The following CPED1 variants were observed in gnomAD, a reference collection of about 807,000 sequenced individuals.
The protein encoded by CPED1 is cadherin like and PC-esterase domain containing 1.
CPED1 carries 114 observed loss-of-function variants against 128.2 expected under a neutral mutation model. The observed-to-expected ratio is 0.89, with a 90% CI of 0.76 to 1.04. The LOEUF (loss-of-function observed/expected upper bound fraction) is 1.04. CPED1 is among the 50% of genes least tolerant of loss of function. The pLI, the probability that CPED1 is intolerant of heterozygous loss-of-function variation, is 0.00. For synonymous variants in CPED1, 462 were observed against 426.7 expected (o/e 1.08, Z -1.02); for missense variants, 1,211 against 1,207.1 (o/e 1.00, Z -0.05).
intron 22 of CPED1, among the ~76,000 whole-genome samples, chr7:121,289,445 T>C (rs971222423): frequency 2.6e-5 from 4 of 152,194 alleles, no homozygotes; most frequent in Admixed American, 2.0e-4. Flanking sequence ...AAGGTCACTA[T>C]TGTTAATATT....
intron 5 of CPED1, among the ~76,000 whole-genome samples, chr7:121,067,286 C>A (rs1029918452): frequency 6.6e-6 from 1 of 151,762 alleles, no homozygotes; most frequent in Admixed American, 6.6e-5. Flanking sequence ...CACAACAGGC[C>A]CTGGTGTGTG....
intron 16 of CPED1, among the ~76,000 whole-genome samples, chr7:121,200,138 C>T (rs533476364): frequency 1.3e-5 from 2 of 152,060 alleles, no homozygotes; most frequent in Non-Finnish European, 2.9e-5. Flanking sequence ...AACATGCATA[C>T]ATGTAAGATT....
chr7:121,287,968 A>G (rs565722903), intron 22 of CPED1, among the ~76,000 whole-genome samples: 1 of 152,292 alleles, frequency 6.6e-6, no homozygotes, highest in East Asian at 1.9e-4. Context: ...TAACTTTATA[A>G]TATCTAATTA....
chr7:121,127,460 A>C (rs1450918560), intron 10 of CPED1, among the ~76,000 whole-genome samples: 8 of 152,052 alleles, frequency 5.3e-5, no homozygotes, highest in Non-Finnish European at 1.0e-4. Flanking sequence ...GATTATGATA[A>C]AATTATGGGT....
At chr7:121,151,763 A>G (rs1459462453) in intron 16 of CPED1, among the ~76,000 whole-genome samples, 1 of 152,242 alleles carries the variant, frequency 6.6e-6, no homozygotes, top group Non-Finnish European at 1.5e-5. Flanking sequence ...AGTCAAAGCC[A>G]TTGGTGTGCT....
chr7:121,073,350 G>C (rs75798350), intron 5 of CPED1, among the ~76,000 whole-genome samples: 3,322 of 152,230 alleles, frequency 0.022, 128 homozygotes, highest in African/African-American at 0.076. Flanking sequence ...AGGAGGGTTT[G>C]GTTCTGCTGC....
chr7:121,031,654 C>T (rs1345823948), intron 3 of CPED1, among the ~76,000 whole-genome samples: 1 of 152,152 alleles, frequency 6.6e-6, no homozygotes, highest in African/African-American at 2.4e-5. Flanking sequence ...TGCTGATACC[C>T]TATGTGTCTT....
At chr7:120,995,803 C>A (rs1392755710) in intron 2 of CPED1, among the ~76,000 whole-genome samples, 1 of 152,146 alleles carries the variant, frequency 6.6e-6, no homozygotes, top group Non-Finnish European at 1.5e-5. Context: ...TGAGGTCTGC[C>A]ACTGAGCGAC....
At chr7:121,253,330 G>T (rs543027821) in intron 18 of CPED1, among the ~76,000 whole-genome samples, 65 of 110,952 alleles carry the variant, frequency 5.9e-4, no homozygotes, top group South Asian at 3.1e-3. Flanking sequence ...GGGGTGGGGG[G>T]AGGGATAGCA....
At chr7:121,202,392 C>T (rs1797419165) in intron 16 of CPED1, among the ~76,000 whole-genome samples, 1 of 152,124 alleles carries the variant, frequency 6.6e-6, no homozygotes, top group Non-Finnish European at 1.5e-5. Context: ...AAAAGCTATG[C>T]TCCCTGCTTC....
chr7:121,114,797 T>A (rs1285143496), intron 7 of CPED1, among the ~76,000 whole-genome samples: 1 of 152,236 alleles, frequency 6.6e-6, no homozygotes, highest in African/African-American at 2.4e-5. Flanking sequence ...AAAAAAAGTT[T>A]AAGAATTGGG....
intron 22 of CPED1, among the ~76,000 whole-genome samples, chr7:121,275,906 TAAAA>T (rs914378619): frequency 2.1e-5 from 3 of 143,440 alleles, no homozygotes; most frequent in African/African-American, 7.8e-5. Context: ...ATTTAAAAAT[TAAAA>T]AGAAAGAAAC....
intron 16 of CPED1, among the ~76,000 whole-genome samples, chr7:121,221,900 G>A (rs2116623763): frequency 6.6e-6 from 1 of 152,252 alleles, no homozygotes; most frequent in Admixed American, 6.5e-5. Flanking sequence ...CTCCCATTCT[G>A]TAGATTGCCT....
At chr7:121,269,211 C>T (rs1259928480) in intron 21 of CPED1, among the ~76,000 whole-genome samples, 3 of 152,012 alleles carry the variant, frequency 2.0e-5, no homozygotes, top group Non-Finnish European at 4.4e-5. Flanking sequence ...TATCTTTATG[C>T]ATATTCAATA....
rs114716919 is a variant in CPED1, at chr7:121,234,545, G to A, written c.2056-2169G>A. Among the ~76,000 whole-genome samples, 1,063 of 152,046 alleles carry A rather than the reference G, an allele frequency of 7.0e-3. 12 individuals carry two copies. Among genetic ancestry groups the A allele is most frequent in the African/African-American group, 0.025 (1,021 of 41,480 alleles). ...CAAGTCTCCAGCTGAGGTGGTGAAA[G>A]TTGTTTATAATATTTCAAACTAAGA... On this transcript the variant is annotated intron_variant, in intron 16 of 22. Coordinates refer to ENST00000310396, the MANE Select transcript of CPED1 (RefSeq NM_024913.5).
In CPED1 at chr7:121,128,444, G is replaced by A; in HGVS notation, c.1365G>A (p.Met455Ile). Residue 455 changes from methionine to isoleucine, a missense_variant, in exon 11 of 23, where the codon ATG (methionine) becomes ATA (isoleucine). Met to Ile is a conservative substitution (Grantham distance 10). Transcript: ENST00000310396. ...CCTTAGAAGAAATTAACTCAATTAT[G>A]ACTTTCATAAAGGAACTTGGAAGTC... ...CLSLEEINSI[M>I]TFIKELGSLG... The A allele has an allele frequency of 1.2e-6, 2 of 1,603,932 alleles. No individual in the cohort carries two copies. The highest frequency in any genetic ancestry group is 1.7e-6 in the Non-Finnish European group (2 of 1,171,032).
chr7:121,253,762 A>G (rs1365713465), intron 18 of CPED1, among the ~76,000 whole-genome samples: 1 of 152,100 alleles, frequency 6.6e-6, no homozygotes, highest in Non-Finnish European at 1.5e-5. Context: ...AAAGAGCAGG[A>G]GTTGCTATTT....
chr7:121,233,862 T>C lies in CPED1; in HGVS notation c.2056-2852T>C, dbSNP rs1798191657. Among the ~76,000 whole-genome samples, 5 of 152,142 alleles carry C rather than the reference T, an allele frequency of 3.3e-5. No individual in the cohort carries two copies. The South Asian group carries it at 1.0e-3, about 32-fold the overall frequency. ...TTTTTCATAGTAAAAAGTGTAGAGG[T>C]AGCTCCACAGCATCACCAATACCCT... On this transcript the variant is annotated intron_variant, in intron 16 of 22. Transcript: ENST00000310396.
intron 3 of CPED1, among the ~76,000 whole-genome samples, chr7:121,030,093 A>G (rs1792691347): frequency 6.6e-6 from 1 of 152,144 alleles, no homozygotes; most frequent in South Asian, 2.1e-4. Flanking sequence ...CAGAGATAAC[A>G]TGGTTAACAA....
Sources: gnomAD v4.1 joint callset for allele counts (sites outside exome capture counted in the v4.1 genomes callset) on GRCh38, gnomAD v4.1.1 for gene constraint, MANE v1.5 for transcripts, NCBI Gene and HGNC (gene_info 2026-07-23, HGNC 2026-07-21) for gene names.